OSBPL1A: variants seen among roughly 807,000 people sequenced by gnomAD.
OSBPL1A encodes oxysterol-binding protein-related protein 1.
A neutral mutation model predicts 137.1 loss-of-function variants in OSBPL1A; 80 were observed. That is an observed-to-expected ratio of 0.58 (90% CI 0.49 to 0.70). OSBPL1A has a LOEUF of 0.70. Among genes scored for constraint, OSBPL1A ranks in the 30% least tolerant of loss-of-function variants. The pLI, the probability that OSBPL1A is intolerant of heterozygous loss-of-function variation, is 0.00. For synonymous variants in OSBPL1A, 365 were observed against 389.7 expected (o/e 0.94, Z 0.75); for missense variants, 970 against 1,129.4 (o/e 0.86, Z 2.02).
intron 7 of OSBPL1A, among the ~76,000 whole-genome samples, chr18:24,330,540 A>G (rs1568032395): frequency 1.3e-5 from 2 of 150,202 alleles, no homozygotes; most frequent in African/African-American, 4.9e-5. Context: ...GCTGGAGTGC[A>G]GTGGCACAAT....
At chr18:24,166,015 C>T (rs1036662804) in intron 26 of OSBPL1A, among the ~76,000 whole-genome samples, 6 of 151,994 alleles carry the variant, frequency 3.9e-5, no homozygotes, top group South Asian at 2.1e-4. Context: ...AAGAATAGCT[C>T]GAACCCAGGA....
At chr18:24,331,138 C>T (rs529490407) in intron 7 of OSBPL1A, among the ~76,000 whole-genome samples, 15 of 152,216 alleles carry the variant, frequency 9.9e-5, no homozygotes, top group Non-Finnish European at 1.6e-4. Context: ...AACATGCAGC[C>T]CTTCCCAGGT....
At chr18:24,340,244 AT>A (rs1254646666) in intron 5 of OSBPL1A, among the ~76,000 whole-genome samples, 1 of 152,220 alleles carries the variant, frequency 6.6e-6, no homozygotes, top group East Asian at 1.9e-4. Context: ...TTTGTTTTAA[AT>A]TGCTTTAGAG....
intron 17 of OSBPL1A, among the ~76,000 whole-genome samples, chr18:24,213,605 T>A (rs561767792): frequency 3.6e-4 from 55 of 152,292 alleles, no homozygotes; most frequent in African/African-American, 1.3e-3. Context: ...TGTAATTATC[T>A]GATATTACTA....
In OSBPL1A at chr18:24,196,207, A is replaced by G; in HGVS notation, c.1602-7T>C. 6.3e-7 allele frequency: 1 copy of G among 1,595,532 alleles called. No homozygotes were observed. The highest frequency in any genetic ancestry group is 8.6e-7 in the Non-Finnish European group (1 of 1,169,480). On this transcript the variant is annotated splice_region_variant and splice_polypyrimidine_tract_variant and intron_variant, in intron 17 of 27. Coordinates refer to ENST00000319481, the MANE Select transcript of OSBPL1A (RefSeq NM_080597.4). ...AGGAGAAGGCAAACTTGTTCTGAAA[A>G]AAGAAAAGAAAAACATAAAGTTCAT...
chr18:24,201,889 C>G (rs189434501), intron 17 of OSBPL1A, among the ~76,000 whole-genome samples: 1 of 152,270 alleles, frequency 6.6e-6, no homozygotes, highest in East Asian at 1.9e-4. Context: ...CTGTGGATTG[C>G]TAGGCTAGAC....
intron 13 of OSBPL1A, among the ~76,000 whole-genome samples, chr18:24,306,616 C>G (rs997276214): frequency 6.6e-6 from 1 of 152,098 alleles, no homozygotes; most frequent in Non-Finnish European, 1.5e-5. Flanking sequence ...GTCATTATAT[C>G]AGTGTCATTA....
chr18:24,176,318 A>C (rs1389242015), intron 21 of OSBPL1A, among the ~76,000 whole-genome samples: 2 of 152,188 alleles, frequency 1.3e-5, no homozygotes, highest in Non-Finnish European at 2.9e-5. Flanking sequence ...TCTCTGCATT[A>C]CTGAGGTAAT....
chr18:24,346,447 A>G (rs201192679), intron 4 of OSBPL1A, among the ~76,000 whole-genome samples: 2 of 152,178 alleles, frequency 1.3e-5, no homozygotes, highest in East Asian at 3.9e-4. Context: ...AAGAAACCCC[A>G]TATCTGTTAA....
intron 17 of OSBPL1A, among the ~76,000 whole-genome samples, chr18:24,208,084 G>C (rs962337940): frequency 6.6e-6 from 1 of 152,128 alleles, no homozygotes; most frequent in Admixed American, 6.6e-5. Context: ...GACACAGCTT[G>C]TATCTTTAAT....
At chr18:24,196,925 C>T (rs973433784) in intron 17 of OSBPL1A, among the ~76,000 whole-genome samples, 2 of 152,186 alleles carry the variant, frequency 1.3e-5, no homozygotes, top group African/African-American at 2.4e-5. Context: ...GGATAAGCAG[C>T]ACATCAGAGT....
intron 25 of OSBPL1A, among the ~76,000 whole-genome samples, 178 bp downstream of exon 25, chr18:24,167,151 T>A (rs924852749): frequency 6.6e-6 from 1 of 152,146 alleles, no homozygotes; most frequent in African/African-American, 2.4e-5. Flanking sequence ...ATGGACAGCA[T>A]GATGCACTTA....
At chr18:24,353,779 G>A (rs2091486150) in intron 4 of OSBPL1A, among the ~76,000 whole-genome samples, 1 of 152,066 alleles carries the variant, frequency 6.6e-6, no homozygotes, top group Non-Finnish European at 1.5e-5. Flanking sequence ...GGACATGGAT[G>A]AAGCTGGAAA....
intron 16 of OSBPL1A, among the ~76,000 whole-genome samples, chr18:24,225,655 A>G (rs1434346605): frequency 5.0e-4 from 76 of 152,330 alleles, no homozygotes; most frequent in African/African-American, 1.8e-3. Flanking sequence ...ACATAAAAGT[A>G]AAGTAATTTA....
At chr18:24,191,465 C>T (rs186860265) in intron 18 of OSBPL1A, among the ~76,000 whole-genome samples, 103 of 152,292 alleles carry the variant, frequency 6.8e-4, no homozygotes, top group African/African-American at 2.3e-3. Flanking sequence ...AAGATCCTGT[C>T]TCATTCTAGC....
intron 27 of OSBPL1A, among the ~76,000 whole-genome samples, chr18:24,164,724 C>T (rs374197336): frequency 4.6e-5 from 7 of 151,906 alleles, no homozygotes; most frequent in Admixed American, 2.6e-4. Context: ...CACTGCACCC[C>T]GCCAGAGATT....
Position 24,334,238 on chromosome 18 carries a change from G to A in OSBPL1A, c.480+7C>T. The A allele has an allele frequency of 6.3e-7, 1 of 1,596,316 alleles. No individual in the cohort carries two copies. On this transcript the variant is annotated splice_region_variant and intron_variant, in intron 6 of 27. Coordinates refer to ENST00000319481, the MANE Select transcript of OSBPL1A (RefSeq NM_080597.4). ...TTTGTCTTTTGGGGGTTTTTTGTTT[G>A]TTTTACCAGAGCTGTGAGTTCTGTT...
intron 2 of OSBPL1A, among the ~76,000 whole-genome samples, chr18:24,370,522 C>G (rs1256459288): frequency 6.6e-6 from 1 of 152,136 alleles, no homozygotes; most frequent in African/African-American, 2.4e-5. Context: ...AGGTCAGGGA[C>G]CCACTGCCAG....
At chr18:24,175,139 C>CACAT (rs1555625105) in intron 21 of OSBPL1A, among the ~76,000 whole-genome samples, 5 of 119,836 alleles carry the variant, frequency 4.2e-5, no homozygotes, top group African/African-American at 1.3e-4. Context: ...TATATATACA[C>CACAT]ATATATATAT....
Sources: gnomAD v4.1 joint callset for allele counts (sites outside exome capture counted in the v4.1 genomes callset) on GRCh38, gnomAD v4.1.1 for gene constraint, MANE v1.5 for transcripts, NCBI Gene and HGNC (gene_info 2026-07-23, HGNC 2026-07-21) for gene names.